Variants in JARID2 observed in about 807,000 individuals in gnomAD.
JARID2 encodes protein Jumonji.
A neutral mutation model predicts 125.6 loss-of-function variants in JARID2; 21 were observed. The ratio of observed to expected loss-of-function variants is 0.17; its 90% CI spans 0.12 to 0.24. The LOEUF (loss-of-function observed/expected upper bound fraction) is 0.24. Among genes scored for constraint, JARID2 ranks in the 10% least tolerant of loss-of-function variants. The pLI, the probability that JARID2 is intolerant of heterozygous loss-of-function variation, is 1.00. For synonymous variants in JARID2, 736 were observed against 661.6 expected (o/e 1.11, Z -1.73); for missense variants, 1,303 against 1,639.6 (o/e 0.79, Z 3.55).
intron 3 of JARID2, among the ~76,000 whole-genome samples, chr6:15,434,580 C>A (rs1292655745): frequency 6.6e-6 from 1 of 152,298 alleles, no homozygotes; most frequent in East Asian, 1.9e-4. Context: ...ATTCATTTAT[C>A]CAAGTGTGAG....
In JARID2 at chr6:15,401,904, T is replaced by C. The variant is rs1301719264; in HGVS notation, c.182-8320T>C. Among the ~76,000 whole-genome samples the C allele has an allele frequency of 1.3e-5, 2 of 150,324 alleles. 1 individual carries two copies. Among genetic ancestry groups the C allele is most frequent in the African/African-American group, 4.9e-5 (2 of 41,114 alleles). ...AAGTTATTTGTTGTCAGCAGTTTTT[T>C]TTTTTTTTTTTTTTTTACTTTGAAT... On this transcript the variant is annotated intron_variant, in intron 2 of 17. Coordinates refer to ENST00000341776, the MANE Select transcript of JARID2 (RefSeq NM_004973.4).
intron 1 of JARID2, among the ~76,000 whole-genome samples, chr6:15,319,490 C>G (rs1052260624): frequency 6.6e-6 from 1 of 152,222 alleles, no homozygotes; most frequent in East Asian, 1.9e-4. Context: ...CTCTGCCTCC[C>G]GTGTTCAAGC....
chr6:15,277,785 AAAAAAAAAAC>A (rs1246226627), intron 1 of JARID2, among the ~76,000 whole-genome samples: 27 of 142,296 alleles, frequency 1.9e-4, no homozygotes, highest in Admixed American at 1.9e-3. Context: ...CTGCAAAAAA[AAAAAAAAAAC>A]AGTCAAGGAT....
intron 6 of JARID2, among the ~76,000 whole-genome samples, chr6:15,492,095 C>G (rs1455471812): frequency 6.6e-6 from 1 of 152,212 alleles, no homozygotes; most frequent in Non-Finnish European, 1.5e-5. Context: ...CTGGGATCAC[C>G]TGAGATACAG....
chr6:15,449,549 T>C (rs2127635478), intron 3 of JARID2, among the ~76,000 whole-genome samples: 1 of 151,984 alleles, frequency 6.6e-6, no homozygotes, highest in Middle Eastern at 3.5e-3. Context: ...ATACCAGTAG[T>C]CCCAGCATTT....
chr6:15,434,099 C>T (rs1316528646), intron 3 of JARID2, among the ~76,000 whole-genome samples: 1 of 151,886 alleles, frequency 6.6e-6, no homozygotes, highest in Non-Finnish European at 1.5e-5. Context: ...ACACAGGTAC[C>T]TCCGTAAGTC....
intron 6 of JARID2, among the ~76,000 whole-genome samples, chr6:15,490,344 C>T (rs752297573): frequency 2.0e-5 from 3 of 152,048 alleles, no homozygotes; most frequent in Non-Finnish European, 2.9e-5. Flanking sequence ...GGGGTGCTGC[C>T]GAGAAGTGCC....
intron 2 of JARID2, among the ~76,000 whole-genome samples, chr6:15,377,861 G>GT (rs915902477): frequency 4.5e-4 from 64 of 142,842 alleles, no homozygotes; most frequent in South Asian, 1.4e-3. Context: ...CAAGATGTAT[G>GT]TTTTTTTTTC....
chr6:15,342,404 T>TC (rs561520200), intron 1 of JARID2, among the ~76,000 whole-genome samples: 27 of 152,320 alleles, frequency 1.8e-4, no homozygotes, highest in African/African-American at 6.5e-4. Context: ...CTAAATACTG[T>TC]CCAACTAGGG....
chr6:15,284,999 A>G (rs1297880630), intron 1 of JARID2, among the ~76,000 whole-genome samples: 1 of 151,806 alleles, frequency 6.6e-6, no homozygotes, highest in Non-Finnish European at 1.5e-5. Flanking sequence ...CATCTGTTGT[A>G]CATATTTAGC....
chr6:15,410,420 GGTGC>G (rs1765828081), intron 3 of JARID2, 55 bp downstream of exon 3: 1 of 1,568,424 alleles, frequency 6.4e-7, no homozygotes, highest in Non-Finnish European at 8.7e-7. Flanking sequence ...TGCAAACTCA[GGTGC>G]CAGTTTTCAC....
chr6:15,248,776 C>G (rs957996896), intron 1 of JARID2: 6 of 284,658 alleles, frequency 2.1e-5, no homozygotes, highest in Non-Finnish European at 3.2e-5. Context: ...CGGGTGGAAC[C>G]TTCCCCTCCT....
At chr6:15,276,541 C>A (rs12175318) in intron 1 of JARID2, among the ~76,000 whole-genome samples, 1 of 152,122 alleles carries the variant, frequency 6.6e-6, no homozygotes, top group African/African-American at 2.4e-5. Context: ...CCAGCTCAGC[C>A]GCTTCCATTT....
rs940183506 is a variant in JARID2 at position 15,378,450 on chromosome 6, C to T, written c.181+4198C>T. Reference sequence around the variant, plus strand: ...GCCTCTGTGTCCTCTTTCATGCCTTCGAGGTTGGGGACAGTGACATGCCTC... The same window carrying T: ...GCCTCTGTGTCCTCTTTCATGCCTTTGAGGTTGGGGACAGTGACATGCCTC... On this transcript the variant is annotated intron_variant, in intron 2 of 17. Coordinates refer to ENST00000341776, the MANE Select transcript of JARID2 (RefSeq NM_004973.4). 1.2e-4 allele frequency among the ~76,000 whole-genome samples: 18 copies of T among 152,104 alleles called. No homozygotes were observed. The South Asian group carries it at 2.1e-3, about 18-fold the overall frequency.
chr6:15,336,262 C>T (rs1170250677), intron 1 of JARID2, among the ~76,000 whole-genome samples: 1 of 152,218 alleles, frequency 6.6e-6, no homozygotes, highest in East Asian at 1.9e-4. Flanking sequence ...GTATATCAAG[C>T]CTAACTAATT....
intron 1 of JARID2, among the ~76,000 whole-genome samples, chr6:15,304,712 C>G (rs1265537409): frequency 6.6e-6 from 1 of 152,190 alleles, no homozygotes; most frequent in African/African-American, 2.4e-5. Flanking sequence ...TTAAGGATTT[C>G]TGCCCTGCAT....
chr6:15,451,921 A>T, intron 3 of JARID2, 85 bp from the exon 4 acceptor site: 4 of 1,299,092 alleles, frequency 3.1e-6, no homozygotes, highest in Admixed American at 2.4e-5. Flanking sequence ...TTTTCCCCTT[A>T]TGTGTCATGA....
chr6:15,292,142 G>A (rs978484913), intron 1 of JARID2, among the ~76,000 whole-genome samples: 1 of 151,734 alleles, frequency 6.6e-6, no homozygotes, highest in East Asian at 1.9e-4. Context: ...TCAGCCTCCC[G>A]AGTAGCTGGG....
At chr6:15,289,057 AAATG>A (rs1425240707) in intron 1 of JARID2, among the ~76,000 whole-genome samples, 2 of 152,240 alleles carry the variant, frequency 1.3e-5, no homozygotes, top group East Asian at 3.9e-4. Flanking sequence ...CAGCACAGAC[AAATG>A]AATGATCTTG....
Sources: allele counts gnomAD v4.1 joint callset (sites outside exome capture counted in the v4.1 genomes callset), GRCh38; gene constraint gnomAD v4.1.1; transcripts MANE v1.5; gene names NCBI Gene and HGNC (gene_info 2026-07-23, HGNC 2026-07-21).